VOPP1: variants seen among roughly 807,000 people sequenced by gnomAD.
VOPP1 encodes the protein WW domain binding protein VOPP1.
A neutral mutation model predicts 23.5 loss-of-function variants in VOPP1; 8 were observed. The ratio of observed to expected loss-of-function variants is 0.34; its 90% CI spans 0.20 to 0.61. VOPP1 has a LOEUF of 0.61. Among genes scored for constraint, VOPP1 ranks in the 20% least tolerant of loss-of-function variants. The pLI is 0.78. For missense variants in VOPP1, 174 were observed against 238.1 expected, an observed-to-expected ratio of 0.73 and a Z score of 1.77; for synonymous variants, 83 against 97.3, an observed-to-expected ratio of 0.85 and a Z score of 0.86.
intron 4 of VOPP1, among the ~76,000 whole-genome samples, chr7:55,452,550 T>TATAG (rs1049833105): frequency 3.3e-5 from 5 of 152,342 alleles, no homozygotes; most frequent in African/African-American, 9.6e-5. Flanking sequence ...CTATGACAGC[T>TATAG]ATAGCCTTAC....
chr7:55,441,246 G>C (rs1188138344), intron 4 of VOPP1, among the ~76,000 whole-genome samples: 1 of 152,158 alleles, frequency 6.6e-6, no homozygotes, highest in Non-Finnish European at 1.5e-5. Context: ...AGGAGGGAAG[G>C]GGGAGGAAGT....
intron 1 of VOPP1, among the ~76,000 whole-genome samples, chr7:55,567,795 C>G (rs1210069268): frequency 6.6e-6 from 1 of 152,174 alleles, no homozygotes; most frequent in Non-Finnish European, 1.5e-5. Flanking sequence ...CTTTTTCATT[C>G]AAATTGCATG....
chr7:55,449,659 C>G (rs1791193565), intron 4 of VOPP1, among the ~76,000 whole-genome samples: 1 of 152,192 alleles, frequency 6.6e-6, no homozygotes, highest in Admixed American at 6.5e-5. Flanking sequence ...CTGGAAGGAG[C>G]CAGCTGAGCT....
Position 55,452,854 on chromosome 7 carries a change from A to C in VOPP1, n.418-16680T>G, listed in dbSNP as rs141726777. Among the ~76,000 whole-genome samples the C allele has an allele frequency of 2.0e-5, 3 of 152,314 alleles. No individual in the cohort carries two copies. In the East Asian group the frequency reaches 5.8e-4, roughly 29 times the overall value. On this transcript the variant is annotated intron_variant and non_coding_transcript_variant, in intron 4 of 4. Transcript: ENST00000462326. ...ATAAAGGCAGAGTAGATTTTGCATA[A>C]TTCTTAAGGGCCCTAGGATTTTTAG...
intron 2 of VOPP1, among the ~76,000 whole-genome samples, chr7:55,517,316 T>C (rs1795522476): frequency 6.6e-6 from 1 of 151,974 alleles, no homozygotes; most frequent in Non-Finnish European, 1.5e-5. Context: ...CTCACATGAC[T>C]ATACCACTGC....
chr7:55,516,932 ATTTTTTTTTTTTT>A (rs71031862), intron 2 of VOPP1, among the ~76,000 whole-genome samples: 49 of 45,134 alleles, frequency 1.1e-3, no homozygotes, highest in South Asian at 2.4e-3. Context: ...ATATATATAT[ATTTTTTTTTTTTT>A]TTTTTTTTTT....
chr7:55,520,079 G>C (rs1340130598), intron 2 of VOPP1, among the ~76,000 whole-genome samples: 1 of 152,100 alleles, frequency 6.6e-6, no homozygotes, highest in African/African-American at 2.4e-5. Context: ...AGTGAGCCGA[G>C]ATTGCACCAC....
intron 4 of VOPP1, among the ~76,000 whole-genome samples, chr7:55,491,056 T>C (rs1793528982): frequency 6.6e-6 from 1 of 152,194 alleles, no homozygotes; most frequent in South Asian, 2.1e-4. Flanking sequence ...AAAACCACTT[T>C]ATTGAGGTCT....
intron 3 of VOPP1, 97 bp downstream of exon 3, chr7:55,497,516 A>G: frequency 8.9e-7 from 1 of 1,125,514 alleles, no homozygotes; most frequent in Non-Finnish European, 1.3e-6. Context: ...GCCACCACCC[A>G]AGTGAAGGTG....
chr7:55,521,367 G>A (rs1795843025), intron 1 of VOPP1, among the ~76,000 whole-genome samples: 1 of 151,946 alleles, frequency 6.6e-6, no homozygotes, highest in African/African-American at 2.4e-5. Context: ...TATACACTGA[G>A]TGTCAGCATT....
chr7:55,527,930 G>A (rs1796281766), intron 1 of VOPP1, among the ~76,000 whole-genome samples: 1 of 110,346 alleles, frequency 9.1e-6, no homozygotes, highest in Non-Finnish European at 1.9e-5. Context: ...ACCCTTTGCA[G>A]ACAAGAGCAT....
chr7:55,562,196 G>A, intron 1 of VOPP1: 2 of 647,756 alleles, frequency 3.1e-6, no homozygotes, highest in Non-Finnish European at 5.6e-6. Context: ...CCTCCATACT[G>A]CTAAAGGACT....
At chr7:55,565,226 T>A (rs959321374) in intron 1 of VOPP1, among the ~76,000 whole-genome samples, 1 of 152,234 alleles carries the variant, frequency 6.6e-6, no homozygotes, top group Non-Finnish European at 1.5e-5. Flanking sequence ...TTCTACGGTA[T>A]CTGAATGCAG....
intron 2 of VOPP1, among the ~76,000 whole-genome samples, chr7:55,498,350 C>T (rs550203270): frequency 2.0e-5 from 3 of 152,204 alleles, no homozygotes; most frequent in Non-Finnish European, 4.4e-5. Context: ...CATCCCCCAA[C>T]GTGTCTGAGG....
At chr7:55,453,095 ATCT>A (rs1791284401) in intron 4 of VOPP1, among the ~76,000 whole-genome samples, 1 of 152,196 alleles carries the variant, frequency 6.6e-6, no homozygotes, top group African/African-American at 2.4e-5. Flanking sequence ...TCTTAGCTAG[ATCT>A]TCTGCATTAC....
At chr7:55,525,667 T>C (rs1796139837) in intron 1 of VOPP1, among the ~76,000 whole-genome samples, 1 of 151,904 alleles carries the variant, frequency 6.6e-6, no homozygotes, top group South Asian at 2.1e-4. Flanking sequence ...TACGTGGTAC[T>C]CGATCATCTA....
chr7:55,571,347 T>C (rs1051702873), intron 1 of VOPP1, among the ~76,000 whole-genome samples: 2 of 152,222 alleles, frequency 1.3e-5, no homozygotes, highest in African/African-American at 4.8e-5. Context: ...CACTAACTAT[T>C]AAGGAAGATA....
intron 4 of VOPP1, among the ~76,000 whole-genome samples, chr7:55,438,667 C>T (rs903530726): frequency 3.3e-5 from 5 of 152,158 alleles, no homozygotes; most frequent in Non-Finnish European, 7.3e-5. Flanking sequence ...GGCACAGAGG[C>T]TTTGAAGGCC....
intron 4 of VOPP1, among the ~76,000 whole-genome samples, chr7:55,442,932 C>T (rs1449314980): frequency 6.6e-6 from 1 of 151,904 alleles, no homozygotes; most frequent in Non-Finnish European, 1.5e-5. Flanking sequence ...CTGCCTAACA[C>T]AGTGAAACCC....
Sources: allele counts gnomAD v4.1 joint callset (sites outside exome capture counted in the v4.1 genomes callset), GRCh38; gene constraint gnomAD v4.1.1; transcripts MANE v1.5; gene names NCBI Gene and HGNC (gene_info 2026-07-23, HGNC 2026-07-21).